PIEZO2: variants seen among roughly 807,000 people sequenced by gnomAD.
PIEZO2 encodes piezo-type mechanosensitive ion channel component 2.
A neutral mutation model predicts 337.3 loss-of-function variants in PIEZO2; 172 were observed. That is an observed-to-expected ratio of 0.51 (90% confidence interval 0.45 to 0.58). The LOEUF (loss-of-function observed/expected upper bound fraction) is 0.58. Ranked by LOEUF, PIEZO2 falls within the 20% of genes least tolerant of loss-of-function variation. The pLI, the probability that PIEZO2 is intolerant of heterozygous loss-of-function variation, is 0.00. For missense variants in PIEZO2, 3,028 were observed against 3,391.3 expected, an observed-to-expected ratio of 0.89 and a Z score of 2.66; for synonymous variants, 1,251 against 1,228.5, an observed-to-expected ratio of 1.02 and a Z score of -0.38.
At position 10,856,099 on chromosome 18, in the gene PIEZO2, C is replaced by T. The variant is rs2041697669; in HGVS notation, c.704-533G>A. 6.6e-6 allele frequency among the ~76,000 whole-genome samples: 1 copy of T among 151,264 alleles called. No individual in the cohort carries two copies. Among genetic ancestry groups the T allele is most frequent in the Non-Finnish European group, 1.5e-5 (1 of 67,916 alleles). On this transcript the variant is annotated intron_variant, in intron 6 of 55. Coordinates refer to ENST00000674853, the MANE Select transcript of PIEZO2 (RefSeq NM_001378183.1). The surrounding 1 kb of genome is among the most constrained non-coding windows in gnomAD (Gnocchi z 4.7). ...ATTTTTTGTAGGGATGGGGTTTTGC[C>T]AAGTAGCGCAGGTTGGTCTTGAACT...
At position 11,104,776 on chromosome 18, in the gene PIEZO2, T is replaced by A. The variant is rs990157611; in HGVS notation, c.65-38554A>T. On this transcript the variant is annotated intron_variant, in intron 1 of 55. Coordinates refer to ENST00000674853, the MANE Select transcript of PIEZO2 (RefSeq NM_001378183.1). The surrounding 1 kb of genome is among the most constrained non-coding windows in gnomAD (Gnocchi z 4.6). ...CTGAGATGTTGGGACATAACTACAA[T>A]GCAGTATAACGGCGCCTGCTTCTCT... 3.3e-5 allele frequency among the ~76,000 whole-genome samples: 5 copies of A among 152,200 alleles called. No homozygotes were observed. Among genetic ancestry groups the A allele is most frequent in the African/African-American group, 9.6e-5 (4 of 41,466 alleles).
intron 4 of PIEZO2, among the ~76,000 whole-genome samples, chr18:10,881,133 T>C (rs747860325): frequency 6.6e-6 from 1 of 151,660 alleles, no homozygotes; most frequent in Non-Finnish European, 1.5e-5. Context: ...TGAAATTAGG[T>C]ACCTTTTTTT....
rs1346805016 is a variant in PIEZO2, at chr18:11,131,419, C to T, written c.64+17106G>A. Among the ~76,000 whole-genome samples, 2 of 152,164 alleles carry T rather than the reference C, an allele frequency of 1.3e-5. No homozygotes were observed. Among genetic ancestry groups the T allele is most frequent in the Non-Finnish European group, 2.9e-5 (2 of 68,042 alleles). ...GGCCTCATGGGGAGTTCCCTATGATCAGGTGACAGAGGCAGAGAAGACTAG... is the reference window on the plus strand; with the variant it reads ...GGCCTCATGGGGAGTTCCCTATGATTAGGTGACAGAGGCAGAGAAGACTAG... On this transcript the variant is annotated intron_variant, in intron 1 of 55. Coordinates refer to ENST00000674853, the MANE Select transcript of PIEZO2 (RefSeq NM_001378183.1). This position sits in a 1 kb window ranked among gnomAD's most constrained non-coding sequence, Gnocchi z 5.3.
chr18:10,746,147 A>G lies in PIEZO2; in HGVS notation c.4425-1916T>C, dbSNP rs1471485308. ...TGTCTCTCTGCCTACAGCGCTGCCT[A>G]TACCCATCTATTCTCCATACCACAA... On this transcript the variant is annotated intron_variant, in intron 30 of 55. Transcript: ENST00000674853. This position sits in a 1 kb window ranked among gnomAD's most constrained non-coding sequence, Gnocchi z 4.2. Among the ~76,000 whole-genome samples, 1 of 152,178 alleles carries G rather than the reference A, an allele frequency of 6.6e-6. No individual in the cohort carries two copies. Among genetic ancestry groups the G allele is most frequent in the South Asian group, 2.1e-4 (1 of 4,832 alleles).
chr18:10,787,448 G>A (rs1241469748), intron 15 of PIEZO2, among the ~76,000 whole-genome samples: 2 of 152,184 alleles, frequency 1.3e-5, no homozygotes, highest in Admixed American at 6.5e-5. Context: ...GGGTTGCTAC[G>A]AGGATGAAAT....
chr18:11,137,355 G>A (rs1354755780), intron 1 of PIEZO2, among the ~76,000 whole-genome samples: 2 of 152,120 alleles, frequency 1.3e-5, no homozygotes, highest in East Asian at 3.8e-4. Flanking sequence ...ATTCCGGCCC[G>A]TAGGTTAAAA....
rs1166643806 is a variant in PIEZO2 at position 11,109,209 on chromosome 18, A to C, written c.64+39316T>G. Among the ~76,000 whole-genome samples, 1 of 152,222 alleles carries C rather than the reference A, an allele frequency of 6.6e-6. No homozygotes were observed. Among genetic ancestry groups the C allele is most frequent in the Non-Finnish European group, 1.5e-5 (1 of 68,036 alleles). ...CACGTCCATAACCTCATGGAAGTGC[A>C]GCTGGAGATTTTATTAGCACTTTAT... On this transcript the variant is annotated intron_variant, in intron 1 of 55. Transcript: ENST00000674853. This position sits in a 1 kb window ranked among gnomAD's most constrained non-coding sequence, Gnocchi z 5.1.
intron 49 of PIEZO2, among the ~76,000 whole-genome samples, chr18:10,683,409 G>A (rs1464930559): frequency 6.6e-6 from 1 of 152,214 alleles, no homozygotes; most frequent in Non-Finnish European, 1.5e-5. Flanking sequence ...TGCATTCAGT[G>A]TGCATAAGGC....
At position 11,116,344 on chromosome 18, in the gene PIEZO2, TGAG is replaced by T. The variant is rs1452039181; in HGVS notation, c.64+32178_64+32180del. Among the ~76,000 whole-genome samples, 7 of 152,132 alleles carry T rather than the reference TGAG, an allele frequency of 4.6e-5. No homozygotes were observed. The highest frequency in any genetic ancestry group is 1.5e-5 in the Non-Finnish European group (1 of 68,024). On this transcript the variant is annotated intron_variant, in intron 1 of 55. Transcript: ENST00000674853. The surrounding 1 kb of genome is among the most constrained non-coding windows in gnomAD (Gnocchi z 5.0). Reference sequence around the variant, plus strand: ...TAATAGAATATGTGCAAGGGGCTCTTGAGGAGGAAGCTGCCCAACGGTGTGAAA... The same window carrying T: ...TAATAGAATATGTGCAAGGGGCTCTTGAGGAAGCTGCCCAACGGTGTGAAA...
At chr18:10,843,690 G>A (rs918089457) in intron 7 of PIEZO2, among the ~76,000 whole-genome samples, 6 of 152,168 alleles carry the variant, frequency 3.9e-5, no homozygotes, top group Non-Finnish European at 7.3e-5. Flanking sequence ...ATGCTGACAT[G>A]CTACTTGATA....
In PIEZO2 at chr18:10,973,722, G is replaced by C. The variant is rs573372463; in HGVS notation, c.286+5813C>G. On this transcript the variant is annotated intron_variant, in intron 3 of 55. Transcript: ENST00000674853. The surrounding 1 kb of genome is among the most constrained non-coding windows in gnomAD (Gnocchi z 4.9). ...TTAGGGAATGGAAAGAGAAGGGGAC[G>C]GGGCAAGGTGAGGAACCCAAGCCTC... 6.6e-6 allele frequency among the ~76,000 whole-genome samples: 1 copy of C among 152,124 alleles called. No homozygotes were observed. Among genetic ancestry groups the C allele is most frequent in the African/African-American group, 2.4e-5 (1 of 41,432 alleles).
rs971513504 is a variant in PIEZO2 at position 10,773,307 on chromosome 18, C to T, written c.2785+105G>A. 8.5e-7 allele frequency: 1 copy of T among 1,177,552 alleles called. No homozygotes were observed. The highest frequency in any genetic ancestry group is 2.6e-5 in the East Asian group (1 of 39,098). The allele number at this position is 1,177,552 out of a possible 1,614,324, so 72.9% of individuals were successfully genotyped here. On this transcript the variant is annotated intron_variant, in intron 20 of 55. Transcript: ENST00000674853. This position sits in a 1 kb window ranked among gnomAD's most constrained non-coding sequence, Gnocchi z 5.3. ...ACAAAAACCACTCCAATTTTTATGT[C>T]ATGGACTGGGTCAAATATATATTCT...
intron 1 of PIEZO2, among the ~76,000 whole-genome samples, chr18:11,084,518 G>T (rs181247335): frequency 1.3e-5 from 2 of 152,248 alleles, no homozygotes; most frequent in Admixed American, 6.5e-5. Flanking sequence ...CCTCGCCATG[G>T]AGGCCCCCTT....
rs566876910 is a variant in PIEZO2 at position 10,701,556 on chromosome 18, C to T, written c.6441+433G>A. Reference sequence around the variant, plus strand: ...AGCAGTACTACTAGAAGAAGGGAGGCAGAAGCTGGGATGGAGATGAGACAA... The same window carrying T: ...AGCAGTACTACTAGAAGAAGGGAGGTAGAAGCTGGGATGGAGATGAGACAA... On this transcript the variant is annotated intron_variant, in intron 43 of 55. Transcript: ENST00000674853. Among the ~76,000 whole-genome samples the T allele has an allele frequency of 5.9e-5, 9 of 152,346 alleles. No individual in the cohort carries two copies. In the South Asian group the frequency reaches 1.9e-3, roughly 32 times the overall value.
intron 7 of PIEZO2, among the ~76,000 whole-genome samples, chr18:10,811,252 T>C (rs2040178676): frequency 6.6e-6 from 1 of 152,210 alleles, no homozygotes; most frequent in Admixed American, 6.5e-5. Flanking sequence ...TAGATTCAGT[T>C]TTCCCTATGC....
intron 3 of PIEZO2, among the ~76,000 whole-genome samples, chr18:10,920,777 G>A (rs1340272101): frequency 6.6e-6 from 1 of 152,194 alleles, no homozygotes; most frequent in East Asian, 1.9e-4. Flanking sequence ...GTGCAGGCCA[G>A]GCACGGTGGC....
At chr18:10,735,840 T>C (rs1360759908) in intron 34 of PIEZO2, among the ~76,000 whole-genome samples, 2 of 152,196 alleles carry the variant, frequency 1.3e-5, no homozygotes, top group Non-Finnish European at 2.9e-5. Flanking sequence ...GGGCATATCA[T>C]GTGGCTTGAT....
In PIEZO2 at chr18:10,752,004, G is replaced by A. The variant is rs143625962; in HGVS notation, c.4167+632C>T. ...CGTCGGGGCCTGGTGCGGGTTGTGG[G>A]GGGGGAGGGTCCCTCAACCGTACAT... On this transcript the variant is annotated intron_variant, in intron 28 of 55. Coordinates refer to ENST00000674853, the MANE Select transcript of PIEZO2 (RefSeq NM_001378183.1). 5.1e-3 allele frequency among the ~76,000 whole-genome samples: 779 copies of A among 152,254 alleles called. 6 individuals carry two copies. The highest frequency in any genetic ancestry group is 0.018 in the African/African-American group (741 of 41,540).
At chr18:10,999,392 A>G (rs941288266) in intron 2 of PIEZO2, among the ~76,000 whole-genome samples, 6 of 152,160 alleles carry the variant, frequency 3.9e-5, no homozygotes, top group Non-Finnish European at 8.8e-5. Context: ...AGTAGATTCA[A>G]CCAACCATGG....
Sources: allele counts gnomAD v4.1 joint callset (sites outside exome capture counted in the v4.1 genomes callset), GRCh38; gene constraint gnomAD v4.1.1; non-coding constraint Gnocchi (gnomAD v3.1); transcripts MANE v1.5; gene names NCBI Gene and HGNC (gene_info 2026-07-23, HGNC 2026-07-21).